SPHKAP: variants seen among roughly 807,000 people sequenced by gnomAD.
The protein encoded by SPHKAP is SPHK1 interactor, AKAP domain containing, also known as A-kinase anchor protein SPHKAP.
Under a neutral mutation model 137.5 loss-of-function variants are expected in SPHKAP, and 67 were observed. The observed-to-expected ratio is 0.49, with a 90% CI of 0.40 to 0.60. The LOEUF (loss-of-function observed/expected upper bound fraction) is 0.60, where lower values mean the gene tolerates loss of function less well. Ranked by LOEUF, SPHKAP falls within the 20% of genes least tolerant of loss-of-function variation. The probability of loss-of-function intolerance (pLI) is 0.00; values close to 1 mark genes in which losing one functional copy is unlikely to be tolerated. For missense variants in SPHKAP, 2,097 were observed against 2,069.3 expected (o/e 1.01, Z -0.26); for synonymous variants, 813 against 785.3 (o/e 1.04, Z -0.59).
At chr2:228,115,299 T>G (rs545089617) in intron 2 of SPHKAP, among the ~76,000 whole-genome samples, 1 of 152,258 alleles carries the variant, frequency 6.6e-6, no homozygotes, top group Admixed American at 6.5e-5. Context: ...TAGTTATTAC[T>G]TTTGGATTTC....
intron 2 of SPHKAP, among the ~76,000 whole-genome samples, chr2:228,119,601 G>A (rs1253233416): frequency 6.6e-6 from 1 of 151,764 alleles, no homozygotes; most frequent in African/African-American, 2.4e-5. Context: ...ATAGTCTTTT[G>A]TTTTCTACTC....
chr2:228,158,326 C>CTTTTTTTTTTTTTT (rs55897294), intron 1 of SPHKAP, among the ~76,000 whole-genome samples: 2 of 133,090 alleles, frequency 1.5e-5, no homozygotes, highest in African/African-American at 5.6e-5. Flanking sequence ...TTACTTCTTT[C>CTTTTTTTTTTTTTT]TTTTTTTTTT....
chr2:228,041,773 G>T (rs1156365722), intron 3 of SPHKAP, among the ~76,000 whole-genome samples: 1 of 151,960 alleles, frequency 6.6e-6, no homozygotes, highest in Non-Finnish European at 1.5e-5. Flanking sequence ...CAGATTTGCT[G>T]AATGAATCTA....
intron 2 of SPHKAP, chr2:228,109,526 G>T: frequency 4.8e-6 from 1 of 208,402 alleles, no homozygotes; most frequent in Non-Finnish European, 8.4e-6. Context: ...AAAATAATTG[G>T]AATACATGAA....
At chr2:228,149,392 AG>A (rs1293569715) in intron 1 of SPHKAP, among the ~76,000 whole-genome samples, 24 of 152,256 alleles carry the variant, frequency 1.6e-4, no homozygotes, top group African/African-American at 5.8e-4. Flanking sequence ...AATAAGATGT[AG>A]TCAGTGAAAT....
At chr2:227,997,997 AG>A (rs1411401276) in intron 7 of SPHKAP, among the ~76,000 whole-genome samples, 11 of 152,092 alleles carry the variant, frequency 7.2e-5, no homozygotes, top group Middle Eastern at 3.2e-3. Context: ...GCAAGCTGGT[AG>A]TTTTTTGTTT....
At chr2:227,989,661 A>G (rs977880657) in intron 11 of SPHKAP, among the ~76,000 whole-genome samples, 15 of 152,254 alleles carry the variant, frequency 9.9e-5, no homozygotes, top group African/African-American at 3.6e-4. Context: ...GATGGAGTGC[A>G]GTGGTGGAAT....
intron 3 of SPHKAP, among the ~76,000 whole-genome samples, chr2:228,059,307 A>G (rs1287613461): frequency 6.6e-6 from 1 of 152,220 alleles, no homozygotes; most frequent in East Asian, 1.9e-4. Context: ...TCAACTTCTA[A>G]GAAGTTACCA....
At chr2:228,023,342 C>T (rs1361688472) in intron 5 of SPHKAP, among the ~76,000 whole-genome samples, 1 of 152,172 alleles carries the variant, frequency 6.6e-6, no homozygotes, top group Non-Finnish European at 1.5e-5. Context: ...GACCTGCAGC[C>T]ATGGCATCAC....
chr2:228,007,243 A>G (rs1694177264), intron 7 of SPHKAP, among the ~76,000 whole-genome samples: 1 of 152,190 alleles, frequency 6.6e-6, no homozygotes, highest in Non-Finnish European at 1.5e-5. Context: ...CAATAATTTG[A>G]TATATGTATA....
At chr2:228,049,486 A>T (rs1696177763) in intron 3 of SPHKAP, among the ~76,000 whole-genome samples, 1 of 152,170 alleles carries the variant, frequency 6.6e-6, no homozygotes, top group South Asian at 2.1e-4. Flanking sequence ...TAGCACTTCA[A>T]ATTATTTATG....
chr2:228,011,045 T>C (rs1375176619), intron 7 of SPHKAP, among the ~76,000 whole-genome samples: 1 of 152,176 alleles, frequency 6.6e-6, no homozygotes, highest in Non-Finnish European at 1.5e-5. Context: ...CTTTTGTCTC[T>C]GCCAAGCTCT....
chr2:228,060,397 T>G (rs1161494135), intron 3 of SPHKAP, among the ~76,000 whole-genome samples: 1 of 152,208 alleles, frequency 6.6e-6, no homozygotes, highest in African/African-American at 2.4e-5. Context: ...ACGGGTTCTT[T>G]TTCCCATAAT....
chr2:228,176,274 T>C lies in SPHKAP; in HGVS notation c.32+5293A>G, dbSNP rs965392740. Among the ~76,000 whole-genome samples, 11 of 152,306 alleles carry C rather than the reference T, an allele frequency of 7.2e-5. No individual in the cohort carries two copies. The East Asian group carries it at 1.7e-3, about 24-fold the overall frequency. On this transcript the variant is annotated intron_variant, in intron 1 of 11. Transcript: ENST00000392056. ...CCAATTCTCGAAGACAAGCTTTCTT[T>C]TGGATGGGTGGGTATTGCTTCAGTT...
At chr2:228,065,547 A>G (rs562941333) in intron 3 of SPHKAP, among the ~76,000 whole-genome samples, 1 of 152,314 alleles carries the variant, frequency 6.6e-6, no homozygotes, top group Non-Finnish European at 1.5e-5. Context: ...CACTGAGAGT[A>G]ATCTCTAAAA....
At chr2:228,175,883 C>T (rs1700724690) in intron 1 of SPHKAP, among the ~76,000 whole-genome samples, 1 of 152,034 alleles carries the variant, frequency 6.6e-6, no homozygotes, top group Non-Finnish European at 1.5e-5. Flanking sequence ...ATAAAGTCAA[C>T]TTTATCTCTG....
At chr2:228,038,135 C>T (rs1171213438) in intron 3 of SPHKAP, among the ~76,000 whole-genome samples, 1 of 152,116 alleles carries the variant, frequency 6.6e-6, no homozygotes, top group Non-Finnish European at 1.5e-5. Context: ...CAATACAAGG[C>T]ATTGTTTTTG....
chr2:228,164,911 CAT>C (rs1022776392), intron 1 of SPHKAP, among the ~76,000 whole-genome samples: 31 of 152,312 alleles, frequency 2.0e-4, no homozygotes, highest in African/African-American at 7.5e-4. Flanking sequence ...TTGGCGCACA[CAT>C]GTCAATTTGC....
intron 4 of SPHKAP, among the ~76,000 whole-genome samples, chr2:228,026,244 C>T (rs139436127): frequency 1.5e-4 from 23 of 152,194 alleles, no homozygotes; most frequent in African/African-American, 4.6e-4. Flanking sequence ...TGCCCAGTAT[C>T]GGGTATGTGT....
Sources: gnomAD v4.1 joint callset for allele counts (sites outside exome capture counted in the v4.1 genomes callset) on GRCh38, gnomAD v4.1.1 for gene constraint, MANE v1.5 for transcripts, NCBI Gene and HGNC (gene_info 2026-07-23, HGNC 2026-07-21) for gene names.